The following FHAD1 variants were observed in gnomAD, a reference collection of about 807,000 sequenced individuals.
The protein encoded by FHAD1 is forkhead associated phosphopeptide binding domain 1, also known as forkhead-associated domain-containing protein 1.
A neutral mutation model predicts 191.3 loss-of-function variants in FHAD1; 146 were observed. That is an observed-to-expected ratio of 0.76 (90% CI 0.67 to 0.88). The LOEUF is 0.88. Among genes scored for constraint, FHAD1 ranks in the 40% least tolerant of loss-of-function variants. The pLI is 0.00. For missense variants in FHAD1, 1,635 were observed against 1,785.8 expected (o/e 0.92, Z 1.52); for synonymous variants, 616 against 672.3 (o/e 0.92, Z 1.29).
At chr1:15,302,954 T>G (rs1363273339) in intron 6 of FHAD1, among the ~76,000 whole-genome samples, 1 of 152,232 alleles carries the variant, frequency 6.6e-6, no homozygotes, top group African/African-American at 2.4e-5. Flanking sequence ...TCGAAGAGTC[T>G]TTCCGGGACT....
At chr1:15,387,588 A>T (rs1261211768) in intron 31 of FHAD1, among the ~76,000 whole-genome samples, 1 of 152,128 alleles carries the variant, frequency 6.6e-6, no homozygotes, top group African/African-American at 2.4e-5. Context: ...CATCTCTACA[A>T]AAAACAAAAA....
intron 14 of FHAD1, among the ~76,000 whole-genome samples, chr1:15,333,702 A>G (rs1001177110): frequency 1.3e-5 from 2 of 151,948 alleles, no homozygotes; most frequent in African/African-American, 4.8e-5. Flanking sequence ...GGTAGAAAGC[A>G]TGGGTTGTTT....
intron 11 of FHAD1, 80 bp downstream of exon 11, chr1:15,324,639 G>GAGGACGCCCA: frequency 2.0e-6 from 2 of 1,000,840 alleles, no homozygotes; most frequent in Non-Finnish European, 3.1e-6. Flanking sequence ...GGTGAGAGAG[G>GAGGACGCCCA]AGGACGCCCA....
Position 15,289,172 on chromosome 1 carries a change from C to G in FHAD1, c.301-227C>G, listed in dbSNP as rs1002135583. 6.6e-6 allele frequency among the ~76,000 whole-genome samples: 1 copy of G among 152,122 alleles called. No individual in the cohort carries two copies. Among genetic ancestry groups the G allele is most frequent in the Non-Finnish European group, 1.5e-5 (1 of 68,002 alleles). On this transcript the variant is annotated intron_variant, in intron 3 of 33. Coordinates refer to ENST00000688493, the MANE Select transcript of FHAD1 (RefSeq NM_001391957.1). The surrounding 1 kb of genome is among the most constrained non-coding windows in gnomAD (Gnocchi z 4.2). ...GCTAATTTTTGAATTTTTGGTGAGG[C>G]AGGGTTTTGCCATGTTGTCCAGGCT...
chr1:15,320,807 A>G (rs754478849), intron 10 of FHAD1, among the ~76,000 whole-genome samples: 3 of 152,218 alleles, frequency 2.0e-5, no homozygotes, highest in Non-Finnish European at 4.4e-5. Flanking sequence ...TTTCAGTCCA[A>G]GTATATTTAA....
chr1:15,273,821 G>A (rs544826323), intron 3 of FHAD1, among the ~76,000 whole-genome samples: 3 of 152,246 alleles, frequency 2.0e-5, no homozygotes, highest in Admixed American at 6.5e-5. Flanking sequence ...CTGTCACACC[G>A]TCGATCCACA....
chr1:15,367,729 A>T, intron 25 of FHAD1, 107 bp downstream of exon 25: 1 of 854,420 alleles, frequency 1.2e-6, no homozygotes, highest in South Asian at 1.7e-5. Flanking sequence ...AGTTGAATGA[A>T]TGAATGATAT....
intron 6 of FHAD1, among the ~76,000 whole-genome samples, chr1:15,306,214 T>C (rs959521000): frequency 2.0e-5 from 3 of 152,208 alleles, no homozygotes; most frequent in Admixed American, 2.0e-4. Context: ...CCCTAAAGAT[T>C]TGTGGAACTT....
In FHAD1 at chr1:15,293,586, C is replaced by T. The variant is rs527546642; in HGVS notation, c.569-3098C>T. Reference sequence around the variant, plus strand: ...TACAAAAATTAGCTGGGTGTGGTGGCACGCACCTGTAATCCCAGCTACTCA... The same window carrying T: ...TACAAAAATTAGCTGGGTGTGGTGGTACGCACCTGTAATCCCAGCTACTCA... On this transcript the variant is annotated intron_variant, in intron 4 of 33. Coordinates refer to ENST00000688493, the MANE Select transcript of FHAD1 (RefSeq NM_001391957.1). Among the ~76,000 whole-genome samples the T allele has an allele frequency of 8.8e-4, 134 of 152,074 alleles. 1 individual carries two copies. The highest frequency in any genetic ancestry group is 3.4e-3 in the Middle Eastern group (1 of 292).
At chr1:15,361,130 G>A (rs1694669795) in intron 22 of FHAD1, among the ~76,000 whole-genome samples, 1 of 152,104 alleles carries the variant, frequency 6.6e-6, no homozygotes, top group South Asian at 2.1e-4. Context: ...ACCCTAAAGA[G>A]GCTGAAAAAA....
chr1:15,295,388 C>G (rs1005137164), intron 4 of FHAD1, among the ~76,000 whole-genome samples: 1 of 152,180 alleles, frequency 6.6e-6, no homozygotes, highest in African/African-American at 2.4e-5. Flanking sequence ...ACAGGAGGAT[C>G]ACTTAAGCTT....
At chr1:15,385,534 T>C (rs936099861) in intron 31 of FHAD1, among the ~76,000 whole-genome samples, 3 of 152,038 alleles carry the variant, frequency 2.0e-5, no homozygotes, top group Non-Finnish European at 2.9e-5. Context: ...GTCTGTAATA[T>C]CAGAACTTTG....
At chr1:15,324,359 ACC>A in intron 10 of FHAD1, 91 bp from the exon 11 acceptor site, 1 of 1,002,822 alleles carries the variant, frequency 1.0e-6, no homozygotes, top group Non-Finnish European at 1.5e-6. Flanking sequence ...CCCCTCTGGG[ACC>A]CCCCACGGCC....
chr1:15,300,245 G>C lies in FHAD1; in HGVS notation c.679-960G>C, dbSNP rs148725202. On this transcript the variant is annotated intron_variant, in intron 5 of 33. Coordinates refer to ENST00000688493, the MANE Select transcript of FHAD1 (RefSeq NM_001391957.1). ...ACGGTGCTTTTTCTTTTGGAGAGATGGGGGACTGGGTTAATGATACCTGTG... is the reference window on the plus strand; with the variant it reads ...ACGGTGCTTTTTCTTTTGGAGAGATCGGGGACTGGGTTAATGATACCTGTG... 2.5e-3 allele frequency among the ~76,000 whole-genome samples: 378 copies of C among 152,280 alleles called. 3 individuals carry two copies. The highest frequency in any genetic ancestry group is 0.02 in the Admixed American group (300 of 15,298).
At chr1:15,244,757 G>A (rs1169557079), upstream of FHAD1, among the ~76,000 whole-genome samples, 2 of 151,598 alleles carry the variant, frequency 1.3e-5, no homozygotes. The surrounding 1 kb of genome is among the most constrained non-coding windows in gnomAD (Gnocchi z 5.1). Context: ...TCTACCAGGG[G>A]TCAGGGAGGG....
chr1:15,327,164 C>T lies in FHAD1; in HGVS notation c.1557+22C>T, dbSNP rs767433757. 43 of 1,503,562 alleles carry T rather than the reference C, an allele frequency of 2.9e-5. No homozygotes were observed. Among genetic ancestry groups the T allele is most frequent in the Non-Finnish European group, 3.5e-5 (39 of 1,104,188 alleles). The allele number at this position is 1,503,562 out of a possible 1,614,324, so 93.1% of individuals were successfully genotyped here. A position where few individuals can be genotyped will look rare whatever the true frequency, so the allele number is the denominator to read the frequency against. ...ACAGGTTAGTCTGCCGTCCCTGCCA[C>T]GTGGCTCCTTCACTTTCCTCTTCTT... On this transcript the variant is annotated intron_variant, in intron 12 of 33. Coordinates refer to ENST00000688493, the MANE Select transcript of FHAD1 (RefSeq NM_001391957.1). This position sits in a 1 kb window ranked among gnomAD's most constrained non-coding sequence, Gnocchi z 5.1.
intron 3 of FHAD1, among the ~76,000 whole-genome samples, chr1:15,278,491 T>TTTTTTTTA (rs1659323347): frequency 6.6e-6 from 1 of 150,644 alleles, no homozygotes; most frequent in African/African-American, 2.5e-5. Flanking sequence ...TTTTTTTTTT[T>TTTTTTTTA]GAGACGGAGT....
In FHAD1 at chr1:15,272,234, G is replaced by A. The variant is rs112857444; in HGVS notation, c.94-89G>A. The A allele has an allele frequency of 3.8e-4, 465 of 1,225,258 alleles. 1 individual carries two copies. In the African/African-American group the frequency reaches 6.4e-3, roughly 17 times the overall value. The allele number at this position is 1,225,258 out of a possible 1,614,324, so 75.9% of individuals were successfully genotyped here. A position where few individuals can be genotyped will look rare whatever the true frequency, so the allele number is the denominator to read the frequency against. ...GGATTGTCGTGATGATCTGGCGGCG[G>A]CAAAACAGGTAAGGCACTCAGCTCA... On this transcript the variant is annotated intron_variant, in intron 2 of 33. Coordinates refer to ENST00000688493, the MANE Select transcript of FHAD1 (RefSeq NM_001391957.1).
At chr1:15,351,238 G>T (rs552802403) in intron 19 of FHAD1, among the ~76,000 whole-genome samples, 13 of 152,130 alleles carry the variant, frequency 8.5e-5, no homozygotes, top group African/African-American at 2.9e-4. Flanking sequence ...CCAGCTGCTC[G>T]GGAGGCTGAG....
Sources: gnomAD v4.1 joint callset for allele counts (sites outside exome capture counted in the v4.1 genomes callset) on GRCh38, gnomAD v4.1.1 for gene constraint, Gnocchi (gnomAD v3.1) non-coding constraint, MANE v1.5 for transcripts, NCBI Gene and HGNC (gene_info 2026-07-23, HGNC 2026-07-21) for gene names.